Variants in MAP3K13 observed in about 807,000 individuals in gnomAD.
MAP3K13 encodes leucine zipper-bearing kinase.
Under a neutral mutation model 104.0 loss-of-function variants are expected in MAP3K13, and 52 were observed. That is an observed-to-expected ratio of 0.50 (90% confidence interval 0.40 to 0.63). The LOEUF (loss-of-function observed/expected upper bound fraction) is 0.63. Among genes scored for constraint, MAP3K13 ranks in the 20% least tolerant of loss-of-function variants. The pLI, the probability that MAP3K13 is intolerant of heterozygous loss-of-function variation, is 0.00. For synonymous variants in MAP3K13, 394 were observed against 442.2 expected, an observed-to-expected ratio of 0.89 and a Z score of 1.37; for missense variants, 914 against 1,218.5, an observed-to-expected ratio of 0.75 and a Z score of 3.72.
Position 185,340,613 on chromosome 3 carries a change from G to A in MAP3K13, c.-86+54970G>A, listed in dbSNP as rs186397904. Among the ~76,000 whole-genome samples, 343 of 152,248 alleles carry A rather than the reference G, an allele frequency of 2.3e-3. 2 individuals carry two copies. Among genetic ancestry groups the A allele is most frequent in the African/African-American group, 7.8e-3 (325 of 41,542 alleles). Reference sequence around the variant, plus strand: ...GAGCCCATCTGATATGGTTGGCTGTGTCCCCACCCAAAATTTCATCTTGAA... The same window carrying A: ...GAGCCCATCTGATATGGTTGGCTGTATCCCCACCCAAAATTTCATCTTGAA... On this transcript the variant is annotated intron_variant, in intron 2 of 14. Coordinates refer to the MAP3K13 transcript ENST00000424227.
At chr3:185,334,860 C>T (rs983920422) in intron 2 of MAP3K13, among the ~76,000 whole-genome samples, 3 of 152,222 alleles carry the variant, frequency 2.0e-5, no homozygotes, top group South Asian at 4.1e-4. Context: ...CTGCCTGCCT[C>T]GGCCTCCCAA....
At chr3:185,389,722 C>A (rs1711925100) in intron 1 of MAP3K13, among the ~76,000 whole-genome samples, 1 of 151,594 alleles carries the variant, frequency 6.6e-6, no homozygotes, top group South Asian at 2.1e-4. Context: ...ATGAGGACCC[C>A]AAACCAAAGG....
chr3:185,413,793 G>A (rs1713586201), intron 1 of MAP3K13, among the ~76,000 whole-genome samples: 1 of 152,182 alleles, frequency 6.6e-6, no homozygotes, highest in African/African-American at 2.4e-5. Context: ...CTGCACTCCA[G>A]CCTGGGCGAC....
chr3:185,467,673 C>T (rs997552328), intron 10 of MAP3K13, among the ~76,000 whole-genome samples: 4 of 151,728 alleles, frequency 2.6e-5, no homozygotes, highest in Admixed American at 1.3e-4. Flanking sequence ...ATCCCAGCTA[C>T]TCGGGAGGCT....
chr3:185,344,512 A>G (rs1228345723), intron 2 of MAP3K13, among the ~76,000 whole-genome samples: 3 of 152,340 alleles, frequency 2.0e-5, no homozygotes, highest in East Asian at 3.8e-4. Context: ...GGCAGTAGAT[A>G]CCAAACTGAA....
At chr3:185,333,702 TG>T (rs80217452) in intron 2 of MAP3K13, among the ~76,000 whole-genome samples, 12,832 of 152,098 alleles carry the variant, frequency 0.084, 717 homozygotes, top group East Asian at 0.2. Flanking sequence ...AAGACCAGCC[TG>T]GGCAACATAG....
At chr3:185,435,990 C>A (rs1715008328) in intron 2 of MAP3K13, among the ~76,000 whole-genome samples, 1 of 152,208 alleles carries the variant, frequency 6.6e-6, no homozygotes, top group Admixed American at 6.5e-5. Flanking sequence ...ACCTTTCACA[C>A]TGGCATCATT....
chr3:185,324,606 G>T (rs1721983871), intron 2 of MAP3K13, among the ~76,000 whole-genome samples: 1 of 152,208 alleles, frequency 6.6e-6, no homozygotes, highest in East Asian at 1.9e-4. Flanking sequence ...CACCGTGCTT[G>T]CCCCTTCCGC....
intron 7 of MAP3K13, among the ~76,000 whole-genome samples, chr3:185,462,029 C>T (rs997893778): frequency 1.3e-5 from 2 of 152,080 alleles, no homozygotes; most frequent in African/African-American, 4.8e-5. Flanking sequence ...AGCTACCTGA[C>T]GATCTGGAGA....
chr3:185,353,370 G>A (rs558132141), intron 2 of MAP3K13, among the ~76,000 whole-genome samples: 7 of 152,334 alleles, frequency 4.6e-5, no homozygotes, highest in Non-Finnish European at 5.9e-5. Context: ...AAACGGAAGC[G>A]AGGGGCAGAA....
intron 1 of MAP3K13, among the ~76,000 whole-genome samples, chr3:185,386,244 GT>G (rs146980787): frequency 0.021 from 3,151 of 152,156 alleles, 105 homozygotes; most frequent in African/African-American, 0.072. Flanking sequence ...CCATTAAAAA[GT>G]GGGCAAAGGA....
In MAP3K13 at chr3:185,450,780, T is replaced by A. The variant is rs534804930; in HGVS notation, c.1170-507T>A. 2.3e-4 allele frequency among the ~76,000 whole-genome samples: 34 copies of A among 148,986 alleles called. No individual in the cohort carries two copies. The highest frequency in any genetic ancestry group is 3.5e-3 in the Middle Eastern group (1 of 284). The stretch of plus-strand genomic sequence containing the variant: ...TGAGACCCCGTCTCTGAAAAAAAAA[T>A]AAAAAATAAATTTAAAGAAATGTTA... On this transcript the variant is annotated intron_variant, in intron 6 of 13. Coordinates refer to ENST00000265026, the MANE Select transcript of MAP3K13 (RefSeq NM_004721.5). The surrounding 1 kb of genome is among the most constrained non-coding windows in gnomAD (Gnocchi z 4.2).
intron 1 of MAP3K13, among the ~76,000 whole-genome samples, chr3:185,422,458 C>T (rs1714187022): frequency 6.6e-6 from 1 of 152,198 alleles, no homozygotes; most frequent in African/African-American, 2.4e-5. Context: ...TGTGATTAGA[C>T]TCATTCTCAT....
chr3:185,300,470 G>A (rs1185435030), intron 2 of MAP3K13, among the ~76,000 whole-genome samples: 1 of 151,180 alleles, frequency 6.6e-6, no homozygotes. Context: ...CACCACGCCC[G>A]GCCCTATTTC....
At position 185,473,059 on chromosome 3, in the gene MAP3K13, C is replaced by A. The variant is rs200008233; in HGVS notation, c.1728C>A (p.Ser576=). Reference sequence around the variant, plus strand: ...CTTTGTCCGGAAGTCCCAAAATGTCCACTTCTAGCAGCAAGAGCCGATATC... The same window carrying A: ...CTTTGTCCGGAAGTCCCAAAATGTCAACTTCTAGCAGCAAGAGCCGATATC... ...ASPLSGSPKM[S]TSSSKSRYRS... Residue 576 remains serine (S), a synonymous_variant, in exon 11 of 14, where the codon TCC becomes TCA. Transcript: ENST00000265026. This position sits in a 1 kb window ranked among gnomAD's most constrained non-coding sequence, Gnocchi z 4.9. 61 of 1,614,154 alleles carry A rather than the reference C, an allele frequency of 3.8e-5. 1 individual carries two copies. In the South Asian group the frequency reaches 6.0e-4, roughly 16 times the overall value.
At position 185,432,323 on chromosome 3, in the gene MAP3K13, T is replaced by C. The variant is rs183160899; in HGVS notation, c.475+3267T>C. On this transcript the variant is annotated intron_variant, in intron 2 of 13. Transcript: ENST00000265026. ...CTCCTGCCTCAGCCTCCCGAGTAGC[T>C]GGGATTACAGGCGTGTGCCACCACG... Among the ~76,000 whole-genome samples the C allele has an allele frequency of 3.8e-3, 575 of 151,554 alleles. 4 individuals carry two copies. Among genetic ancestry groups the C allele is most frequent in the African/African-American group, 0.013 (544 of 41,342 alleles).
exon 2 of MAP3K13, chr3:185,285,635 C>G (rs759270593): frequency 6.5e-7 from 1 of 1,534,712 alleles, no homozygotes; most frequent in African/African-American, 1.4e-5. Flanking sequence ...TCCTAGCACT[C>G]TGGGAGAGGT....
At chr3:185,349,113 A>G (rs1723042563) in intron 2 of MAP3K13, among the ~76,000 whole-genome samples, 1 of 151,344 alleles carries the variant, frequency 6.6e-6, no homozygotes, top group African/African-American at 2.4e-5. Context: ...AAAGGCTTCC[A>G]TTTCTACTTA....
rs1335439748 is a variant in MAP3K13 at position 185,423,889 on chromosome 3, T to C, written c.-85-4608T>C. Among the ~76,000 whole-genome samples, 2 of 152,190 alleles carry C rather than the reference T, an allele frequency of 1.3e-5. No individual in the cohort carries two copies. Among genetic ancestry groups the C allele is most frequent in the Non-Finnish European group, 2.9e-5 (2 of 68,028 alleles). On this transcript the variant is annotated intron_variant, in intron 1 of 13. Transcript: ENST00000265026. The surrounding 1 kb of genome is among the most constrained non-coding windows in gnomAD (Gnocchi z 4.1). ...ATTCCCGCTTCCCTGCCTCTGCCAG[T>C]GCTCTTGTTCGCCCCTGATTTCCTT... is the stretch of plus-strand genomic sequence containing the variant.
Sources: gnomAD v4.1 joint callset for allele counts (sites outside exome capture counted in the v4.1 genomes callset) on GRCh38, gnomAD v4.1.1 for gene constraint, Gnocchi (gnomAD v3.1) non-coding constraint, MANE v1.5 for transcripts, NCBI Gene and HGNC (gene_info 2026-07-23, HGNC 2026-07-21) for gene names.